Variants in CD37 observed in about 807,000 individuals in gnomAD.
CD37 encodes the protein leukocyte antigen CD37.
In CD37, 37 loss-of-function variants were observed where a neutral mutation model predicts 38.9. That is an observed-to-expected ratio of 0.95 (90% CI 0.73 to 1.25). CD37 has a LOEUF of 1.25. CD37 is among the 50% of genes most tolerant of loss of function. The pLI is 0.00. For missense variants in CD37, 351 were observed against 360.1 expected, an observed-to-expected ratio of 0.97 and a Z score of 0.20; for synonymous variants, 146 against 150.1, an observed-to-expected ratio of 0.97 and a Z score of 0.20.
chr19:49,335,690 C>G lies in CD37; in HGVS notation c.70-24C>G, dbSNP rs3138149. Reference sequence around the variant, plus strand: ...CTCATCTTCCCCTGTGGCCCACCCCCGTATCCGCATCTCCTCTCCCCAGGT... The same window carrying G: ...CTCATCTTCCCCTGTGGCCCACCCCGGTATCCGCATCTCCTCTCCCCAGGT... On this transcript the variant is annotated intron_variant, in intron 1 of 7. Transcript: ENST00000323906. This position sits in a 1 kb window ranked among gnomAD's most constrained non-coding sequence, Gnocchi z 4.6. 318 of 1,613,370 alleles carry G rather than the reference C, an allele frequency of 2.0e-4. No homozygotes were observed. The African/African-American group carries it at 4.0e-3, about 20-fold the overall frequency.
rs1213028013 is a variant in CD37 at position 49,338,016 on chromosome 19, ATG to A, written c.437_438del (p.Val146AlafsTer24). The A allele has an allele frequency of 7.4e-6, 12 of 1,613,824 alleles. No individual in the cohort carries two copies. Among genetic ancestry groups the A allele is most frequent in the African/African-American group, 1.3e-5 (1 of 74,888 alleles). On this transcript the variant is annotated frameshift_variant, in exon 5 of 8. Coordinates refer to ENST00000323906, the MANE Select transcript of CD37 (RefSeq NM_001774.3). LOFTEE classifies it high-confidence loss of function. The surrounding 1 kb of genome is among the most constrained non-coding windows in gnomAD (Gnocchi z 5.0). Reference sequence around the variant, plus strand: ...ACCGCGGCCGAGGAGAGCTGGGACTATGTGCAGTTCCAGGTAAGCCCCCCTCC... The same window carrying A: ...ACCGCGGCCGAGGAGAGCTGGGACTATGCAGTTCCAGGTAAGCCCCCCTCC...
rs1971071852 is a variant in CD37 at position 49,338,978 on chromosome 19, G to A, written c.684+42G>A. The A allele has an allele frequency of 4.0e-6, 6 of 1,495,022 alleles. No individual in the cohort carries two copies. In the East Asian group the frequency reaches 1.4e-4, roughly 34 times the overall value. 92.6% of individuals were successfully genotyped at this position (1,495,022 alleles called of 1,614,324 possible). On this transcript the variant is annotated intron_variant, in intron 6 of 7. Coordinates refer to ENST00000323906, the MANE Select transcript of CD37 (RefSeq NM_001774.3). This position sits in a 1 kb window ranked among gnomAD's most constrained non-coding sequence, Gnocchi z 5.0. ...AGCATAAACCTGTCGAATGGGGCGG[G>A]GCCTGCGGGAGGGGGAGGGCTGTCA...
At chr19:49,337,463 T>G (rs1185537580) in intron 4 of CD37, among the ~76,000 whole-genome samples, 1 of 147,570 alleles carries the variant, frequency 6.8e-6, no homozygotes, top group African/African-American at 2.7e-5. Context: ...CCCATCTATA[T>G]TTAAAAAAAA....
chr19:49,336,004 T>G, intron 2 of CD37: 1 of 585,428 alleles, frequency 1.7e-6, no homozygotes, highest in South Asian at 2.1e-5. Flanking sequence ...TCTCAAGCAC[T>G]TCCTATCTGT....
Position 49,340,442 on chromosome 19 carries a change from T to G in CD37, c.*114T>G. The G allele has an allele frequency of 2.3e-5, 18 of 775,102 alleles. No individual in the cohort carries two copies. Among genetic ancestry groups the G allele is most frequent in the Non-Finnish European group, 3.6e-5 (16 of 448,342 alleles). The allele number at this position is 775,102 out of a possible 1,614,324, so 48.0% of individuals were successfully genotyped here. A position where few individuals can be genotyped will look rare whatever the true frequency, so the allele number is the denominator to read the frequency against. On this transcript the variant is annotated 3_prime_UTR_variant, in exon 8 of 8. Transcript: ENST00000323906. Reference sequence around the variant, plus strand: ...TCGCCTGGAGCCCTCCGCCTTCACATTCCCCTGGGGACCCACGTGGCTGCG... The same window carrying G: ...TCGCCTGGAGCCCTCCGCCTTCACAGTCCCCTGGGGACCCACGTGGCTGCG...
In CD37 at chr19:49,339,883, T is replaced by C. The variant is rs929432207; in HGVS notation, c.769-368T>C. ...CAAGCTGCCCATGGCCCTGGGGCTCTGGCCGCTGTGGGTTCAAGACGAGGA... is the reference window on the plus strand; with the variant it reads ...CAAGCTGCCCATGGCCCTGGGGCTCCGGCCGCTGTGGGTTCAAGACGAGGA... On this transcript the variant is annotated intron_variant, in intron 7 of 7. Transcript: ENST00000323906. This position sits in a 1 kb window ranked among gnomAD's most constrained non-coding sequence, Gnocchi z 4.5. 1 of 1,341,584 alleles carries C rather than the reference T, an allele frequency of 7.5e-7. No individual in the cohort carries two copies. The highest frequency in any genetic ancestry group is 9.6e-7 in the Non-Finnish European group (1 of 1,040,782). 83.1% of individuals were successfully genotyped at this position (1,341,584 alleles called of 1,614,324 possible). A position where few individuals can be genotyped will look rare whatever the true frequency, so the allele number is the denominator to read the frequency against.
In CD37 at chr19:49,339,828, C is replaced by G; in HGVS notation, c.768+415C>G. 1 of 1,339,496 alleles carries G rather than the reference C, an allele frequency of 7.5e-7. No individual in the cohort carries two copies. 83.0% of individuals were successfully genotyped at this position (1,339,496 alleles called of 1,614,324 possible). A position where few individuals can be genotyped will look rare whatever the true frequency, so the allele number is the denominator to read the frequency against. On this transcript the variant is annotated intron_variant, in intron 7 of 7. Transcript: ENST00000323906. This position sits in a 1 kb window ranked among gnomAD's most constrained non-coding sequence, Gnocchi z 4.5. ...GTGGCTGGGGCATGGCGGGTGCCTG[C>G]CCCAACTGGGGAGACAAGGCACCGC...
rs560235535 is a variant in CD37 at position 49,339,651 on chromosome 19, T to C, written c.768+238T>C. The C allele has an allele frequency of 4.1e-5, 58 of 1,426,766 alleles. 2 individuals carry two copies. In the South Asian group the frequency reaches 8.6e-4, roughly 21 times the overall value. 88.4% of individuals were successfully genotyped at this position (1,426,766 alleles called of 1,614,324 possible). On this transcript the variant is annotated intron_variant, in intron 7 of 7. Coordinates refer to ENST00000323906, the MANE Select transcript of CD37 (RefSeq NM_001774.3). The surrounding 1 kb of genome is among the most constrained non-coding windows in gnomAD (Gnocchi z 4.5). Reference sequence around the variant, plus strand: ...TTGGCTGCGATCTCCCTCCCCTTTCTCCGCAGATGACTGTCATGGTGCTGA... The same window carrying C: ...TTGGCTGCGATCTCCCTCCCCTTTCCCCGCAGATGACTGTCATGGTGCTGA...
rs1457708386 is a variant in CD37 at position 49,339,976 on chromosome 19, G to A, written c.769-275G>A. ...ACAATTAGAGGCTGAGGCAGAGGGG[G>A]AAGACAGATGAGCCTCCAAAATAAA... On this transcript the variant is annotated intron_variant, in intron 7 of 7. Coordinates refer to ENST00000323906, the MANE Select transcript of CD37 (RefSeq NM_001774.3). The surrounding 1 kb of genome is among the most constrained non-coding windows in gnomAD (Gnocchi z 4.5). The A allele has an allele frequency of 2.8e-6, 4 of 1,426,282 alleles. No individual in the cohort carries two copies. The highest frequency in any genetic ancestry group is 2.9e-5 in the African/African-American group (2 of 69,708). 88.4% of individuals were successfully genotyped at this position (1,426,282 alleles called of 1,614,324 possible).
At chr19:49,340,164 C>T in intron 7 of CD37, 87 bp from the exon 8 acceptor site, 1 of 1,511,098 alleles carries the variant, frequency 6.6e-7, no homozygotes, top group Non-Finnish European at 9.1e-7. Flanking sequence ...CACGGCCCCA[C>T]CCCTGACCTT....
In CD37 at chr19:49,338,251, G is replaced by C; in HGVS notation, c.447+222G>C. On this transcript the variant is annotated intron_variant, in intron 5 of 7. Coordinates refer to ENST00000323906, the MANE Select transcript of CD37 (RefSeq NM_001774.3). This position sits in a 1 kb window ranked among gnomAD's most constrained non-coding sequence, Gnocchi z 5.0. ...CTGGCGTGGCTTCGCCATCTACCTCGAGAGACTCCGCCCCCGCCCCCGCCC... is the reference window on the plus strand; with the variant it reads ...CTGGCGTGGCTTCGCCATCTACCTCCAGAGACTCCGCCCCCGCCCCCGCCC... 7.4e-7 allele frequency: 1 copy of C among 1,351,274 alleles called. No homozygotes were observed. The highest frequency in any genetic ancestry group is 9.7e-7 in the Non-Finnish European group (1 of 1,029,058). The allele number at this position is 1,351,274 out of a possible 1,614,324, so 83.7% of individuals were successfully genotyped here. A position where few individuals can be genotyped will look rare whatever the true frequency, so the allele number is the denominator to read the frequency against.
intron 3 of CD37, 34 bp from the exon 4 acceptor site, chr19:49,337,113 G>A (rs753523959): frequency 1.2e-6 from 2 of 1,613,980 alleles, no homozygotes; most frequent in East Asian, 2.2e-5. Flanking sequence ...GGTTGCAGGG[G>A]TGGTCAGCCT....
chr19:49,340,044 A>G, intron 7 of CD37: 2 of 1,494,724 alleles, frequency 1.3e-6, no homozygotes, highest in Non-Finnish European at 1.8e-6. Flanking sequence ...CTCAGCCTCT[A>G]CCCCCACTTG....
chr19:49,340,435 CTT>C lies in CD37; in HGVS notation c.*108_*109del. On this transcript the variant is annotated 3_prime_UTR_variant, in exon 8 of 8. Transcript: ENST00000323906. ...CCCCAGTTCGCCTGGAGCCCTCCGC[CTT>C]CACATTCCCCTGGGGACCCACGTGG... The C allele has an allele frequency of 1.2e-6, 1 of 813,146 alleles. No homozygotes were observed. Among genetic ancestry groups the C allele is most frequent in the Non-Finnish European group, 2.1e-6 (1 of 479,302 alleles). The allele number at this position is 813,146 out of a possible 1,614,324, so 50.4% of individuals were successfully genotyped here. A position where few individuals can be genotyped will look rare whatever the true frequency, so the allele number is the denominator to read the frequency against.
intron 2 of CD37, 136 bp from the exon 3 acceptor site, chr19:49,336,771 CAG>C (rs1970971136): frequency 1.2e-6 from 1 of 802,502 alleles, no homozygotes; most frequent in Non-Finnish European, 2.0e-6. Flanking sequence ...AACAGGGACT[CAG>C]GGTGGGGCAG....
rs753327746 is a variant in CD37 at position 49,338,763 on chromosome 19, G to C, written c.511G>C (p.Gly171Arg). 1 of 1,613,506 alleles carries C rather than the reference G, an allele frequency of 6.2e-7. No individual in the cohort carries two copies. The highest frequency in any genetic ancestry group is 2.2e-5 in the East Asian group (1 of 44,898). The change falls in exon 6 of 8, where the codon GGG (glycine) becomes CGG (arginine). Residue 171 changes from glycine to arginine, a missense_variant. Gly to Arg is a moderately radical substitution (Grantham distance 125). Coordinates refer to ENST00000323906, the MANE Select transcript of CD37 (RefSeq NM_001774.3). The surrounding 1 kb of genome is among the most constrained non-coding windows in gnomAD (Gnocchi z 5.0). The part of the protein sequence containing the change: ...WFQVLILRGN[G>R]SEAHRVPCSC... ...CCAAGTCCTCATCCTGAGAGGTAACGGGTCGGAGGCGCACCGCGTGCCCTG... is the reference window on the plus strand; with the variant it reads ...CCAAGTCCTCATCCTGAGAGGTAACCGGTCGGAGGCGCACCGCGTGCCCTG...
intron 2 of CD37, chr19:49,336,005 T>A (rs1970940474): frequency 3.4e-6 from 2 of 585,396 alleles, no homozygotes; most frequent in African/African-American, 1.9e-5. Flanking sequence ...CTCAAGCACT[T>A]CCTATCTGTC....
chr19:49,339,757 A>T lies in CD37; in HGVS notation c.768+344A>T. 2 of 1,391,780 alleles carry T rather than the reference A, an allele frequency of 1.4e-6. No individual in the cohort carries two copies. Among genetic ancestry groups the T allele is most frequent in the Non-Finnish European group, 1.9e-6 (2 of 1,076,548 alleles). 86.2% of individuals were successfully genotyped at this position (1,391,780 alleles called of 1,614,324 possible). A position where few individuals can be genotyped will look rare whatever the true frequency, so the allele number is the denominator to read the frequency against. ...CGCTGGGGATTCGAGCCCCGGGCCC[A>T]GCCTGATCGCTGACGGCGGCGGCGG... is the stretch of plus-strand genomic sequence containing the variant. On this transcript the variant is annotated intron_variant, in intron 7 of 7. Transcript: ENST00000323906. The surrounding 1 kb of genome is among the most constrained non-coding windows in gnomAD (Gnocchi z 4.5).
At position 49,338,997 on chromosome 19, in the gene CD37, G is replaced by C. The variant is rs1453637746; in HGVS notation, c.684+61G>C. 1 of 1,317,374 alleles carries C rather than the reference G, an allele frequency of 7.6e-7. No individual in the cohort carries two copies. Among genetic ancestry groups the C allele is most frequent in the Non-Finnish European group, 1.1e-6 (1 of 920,938 alleles). 81.6% of individuals were successfully genotyped at this position (1,317,374 alleles called of 1,614,324 possible). On this transcript the variant is annotated intron_variant, in intron 6 of 7. Coordinates refer to ENST00000323906, the MANE Select transcript of CD37 (RefSeq NM_001774.3). This position sits in a 1 kb window ranked among gnomAD's most constrained non-coding sequence, Gnocchi z 5.0. ...GGGCGGGGCCTGCGGGAGGGGGAGG[G>C]CTGTCAGTGAGTAGCGGCCTGAGAA...
Sources: gnomAD v4.1 joint callset for allele counts (sites outside exome capture counted in the v4.1 genomes callset) on GRCh38, gnomAD v4.1.1 for gene constraint, Gnocchi (gnomAD v3.1) non-coding constraint, MANE v1.5 for transcripts, NCBI Gene and HGNC (gene_info 2026-07-23, HGNC 2026-07-21) for gene names.